BTBD9: variants seen among roughly 807,000 people sequenced by gnomAD.
The protein encoded by BTBD9 is BTB/POZ domain-containing protein 9.
BTBD9 carries 49 observed loss-of-function variants against 64.3 expected under a neutral mutation model. The ratio of observed to expected loss-of-function variants is 0.76; its 90% confidence interval spans 0.61 to 0.97. The LOEUF (loss-of-function observed/expected upper bound fraction) is 0.97, where lower values mean the gene tolerates loss of function less well. Among genes scored for constraint, BTBD9 ranks in the 50% least tolerant of loss-of-function variants. The pLI is 0.00. For synonymous variants in BTBD9, 260 were observed against 274.7 expected (o/e 0.95, Z 0.53); for missense variants, 598 against 762.1 (o/e 0.78, Z 2.53).
intron 1 of BTBD9, among the ~76,000 whole-genome samples, chr6:38,610,926 G>C (rs536379657): frequency 3.5e-5 from 5 of 142,420 alleles, no homozygotes; most frequent in African/African-American, 1.0e-4. Context: ...GTGGGGGGGG[G>C]ACTAAACGTC....
At chr6:38,206,239 T>C (rs1352902267) in intron 9 of BTBD9, among the ~76,000 whole-genome samples, 1 of 151,240 alleles carries the variant, frequency 6.6e-6, no homozygotes, top group Non-Finnish European at 1.5e-5. Context: ...TTTTTGGAGA[T>C]GGAGTCTTGC....
intron 6 of BTBD9, chr6:38,566,087 A>C (rs1452169922): frequency 6.6e-6 from 1 of 152,212 alleles, no homozygotes; most frequent in Non-Finnish European, 1.5e-5. Context: ...TTAAGGGGAA[A>C]GTAGATTTTA....
intron 5 of BTBD9, among the ~76,000 whole-genome samples, chr6:38,578,215 G>A (rs917709572): frequency 6.6e-6 from 1 of 152,100 alleles, no homozygotes; most frequent in African/African-American, 2.4e-5. Context: ...CCCTCACAGA[G>A]GGCAGCTTAT....
chr6:38,194,684 G>A (rs1426989167), intron 9 of BTBD9, among the ~76,000 whole-genome samples: 3 of 152,124 alleles, frequency 2.0e-5, no homozygotes, highest in African/African-American at 7.2e-5. Flanking sequence ...GAGGTTTGAG[G>A]AGCCCAGGCA....
chr6:38,541,088 T>A (rs1389854540), intron 6 of BTBD9, among the ~76,000 whole-genome samples: 1 of 152,152 alleles, frequency 6.6e-6, no homozygotes, highest in Non-Finnish European at 1.5e-5. Flanking sequence ...GAATAGAAAC[T>A]TAAAGACAAT....
chr6:38,573,573 A>G (rs1775882737), intron 6 of BTBD9, among the ~76,000 whole-genome samples: 1 of 152,064 alleles, frequency 6.6e-6, no homozygotes, highest in Non-Finnish European at 1.5e-5. Flanking sequence ...TCCCTCTCTC[A>G]ACGGGCATAA....
At chr6:38,580,000 TA>T (rs1393032290) in intron 5 of BTBD9, among the ~76,000 whole-genome samples, 1 of 152,250 alleles carries the variant, frequency 6.6e-6, no homozygotes, top group Non-Finnish European at 1.5e-5. Flanking sequence ...CTATGGTTTC[TA>T]CAATAAACAC....
At chr6:38,451,697 T>C (rs1446205805) in intron 6 of BTBD9, among the ~76,000 whole-genome samples, 6 of 152,154 alleles carry the variant, frequency 3.9e-5, no homozygotes, top group African/African-American at 1.4e-4. Context: ...TGCCAAGTCT[T>C]GATTCATCCT....
At chr6:38,281,903 G>T (rs146745317) in intron 8 of BTBD9, among the ~76,000 whole-genome samples, 111 of 152,210 alleles carry the variant, frequency 7.3e-4, no homozygotes, top group African/African-American at 2.6e-3. Flanking sequence ...TGTAAAAATT[G>T]TTAATTTAAC....
intron 9 of BTBD9, among the ~76,000 whole-genome samples, chr6:38,239,453 A>AT (rs1331640170): frequency 1.3e-4 from 20 of 151,720 alleles, no homozygotes; most frequent in African/African-American, 4.8e-4. Flanking sequence ...AAAAAAAAAA[A>AT]AAAAAAAGAT....
chr6:38,217,441 A>G (rs1582065984), intron 9 of BTBD9, among the ~76,000 whole-genome samples: 1 of 151,976 alleles, frequency 6.6e-6, no homozygotes, highest in Admixed American at 6.6e-5. Context: ...TAAGAAAGTA[A>G]GGAAGACTTA....
At chr6:38,573,443 G>C (rs561900079) in intron 6 of BTBD9, among the ~76,000 whole-genome samples, 1 of 152,176 alleles carries the variant, frequency 6.6e-6, no homozygotes, top group East Asian at 1.9e-4. Context: ...ACTCTAAATT[G>C]TCAATTTACA....
chr6:38,480,064 T>C (rs528258749), intron 6 of BTBD9, among the ~76,000 whole-genome samples: 34 of 152,182 alleles, frequency 2.2e-4, no homozygotes, highest in Non-Finnish European at 4.1e-4. Flanking sequence ...CTCTTTTCTA[T>C]AGACTGCTAA....
At chr6:38,231,911 T>C (rs1054998117) in intron 9 of BTBD9, among the ~76,000 whole-genome samples, 1 of 152,182 alleles carries the variant, frequency 6.6e-6, no homozygotes, top group Non-Finnish European at 1.5e-5. Flanking sequence ...CAGCCACATA[T>C]TTGTGAAGAG....
At chr6:38,469,320 T>C (rs199723437) in intron 6 of BTBD9, among the ~76,000 whole-genome samples, 30 of 137,008 alleles carry the variant, frequency 2.2e-4, no homozygotes, top group East Asian at 1.5e-3. Flanking sequence ...TTTTTTTTTT[T>C]CCTTTTTTTT....
intron 6 of BTBD9, among the ~76,000 whole-genome samples, chr6:38,374,311 A>G (rs1298675590): frequency 8.6e-6 from 1 of 115,836 alleles, no homozygotes; most frequent in Non-Finnish European, 1.7e-5. Context: ...ATATATGTAT[A>G]TATATATATA....
chr6:38,608,048 C>T (rs1777488664), intron 1 of BTBD9, among the ~76,000 whole-genome samples: 1 of 152,146 alleles, frequency 6.6e-6, no homozygotes, highest in African/African-American at 2.4e-5. Context: ...TTTTCATAAT[C>T]TAAGTTCTAA....
At chr6:38,321,643 G>A (rs990398405) in intron 7 of BTBD9, among the ~76,000 whole-genome samples, 3 of 152,048 alleles carry the variant, frequency 2.0e-5, no homozygotes, top group Non-Finnish European at 4.4e-5. Flanking sequence ...GTTTAAATTT[G>A]TTTTTAACAC....
At chr6:38,322,468 T>C (rs1363149960) in intron 7 of BTBD9, among the ~76,000 whole-genome samples, 3 of 152,238 alleles carry the variant, frequency 2.0e-5, no homozygotes, top group Non-Finnish European at 1.5e-5. Context: ...AGGAAAATTA[T>C]ACCTCCAGCA....
Sources: gnomAD v4.1 joint callset for allele counts (sites outside exome capture counted in the v4.1 genomes callset) on GRCh38, gnomAD v4.1.1 for gene constraint, MANE v1.5 for transcripts, NCBI Gene and HGNC (gene_info 2026-07-23, HGNC 2026-07-21) for gene names.